ADAMTS12: variants seen among roughly 807,000 people sequenced by gnomAD.
ADAMTS12 encodes the protein ADAM metallopeptidase with thrombospondin type 1 motif 12.
Under a neutral mutation model 167.8 loss-of-function variants are expected in ADAMTS12, and 118 were observed. The ratio of observed to expected loss-of-function variants is 0.70; its 90% CI spans 0.61 to 0.82. The LOEUF (loss-of-function observed/expected upper bound fraction) is 0.82. ADAMTS12 is among the 40% of genes least tolerant of loss of function. The pLI, the probability that ADAMTS12 is intolerant of heterozygous loss-of-function variation, is 0.00. For missense variants in ADAMTS12, 1,916 were observed against 1,998.8 expected (o/e 0.96, Z 0.79); for synonymous variants, 704 against 716.9 (o/e 0.98, Z 0.29).
At chr5:33,738,403 C>T (rs2112365956) in intron 3 of ADAMTS12, among the ~76,000 whole-genome samples, 2 of 152,220 alleles carry the variant, frequency 1.3e-5, no homozygotes, top group South Asian at 4.1e-4. Flanking sequence ...TAGGCTGGAA[C>T]TGTTCTCAAG....
rs112153103 is a variant in ADAMTS12 at position 33,576,953 on chromosome 5, G to A, written c.3073C>T (p.Pro1025Ser). The A allele has an allele frequency of 2.2e-5, 35 of 1,614,212 alleles. 1 individual carries two copies. In the African/African-American group the frequency reaches 2.7e-4, roughly 12 times the overall value. The change falls in exon 19 of 24, where the codon CCT (proline) becomes TCT (serine). Residue 1025 changes from proline (P) to serine (S), a missense_variant. Pro to Ser is a moderately conservative substitution (Grantham distance 74). Coordinates refer to ENST00000504830, the MANE Select transcript of ADAMTS12 (RefSeq NM_030955.4). ...NPPTLKPVPP[P>S]TSRPRMLTTP... ...GTCAGCATTCTGGGCCTGGATGTAG[G>A]TGGAGGGACGGGCTTTAGTGTTGGT...
chr5:33,866,019 A>G (rs1749805664), intron 2 of ADAMTS12, among the ~76,000 whole-genome samples: 1 of 152,218 alleles, frequency 6.6e-6, no homozygotes, highest in African/African-American at 2.4e-5. Context: ...AATATCATGA[A>G]AGTGACCATA....
chr5:33,597,319 A>G (rs1737943132), intron 16 of ADAMTS12, among the ~76,000 whole-genome samples: 1 of 152,226 alleles, frequency 6.6e-6, no homozygotes, highest in Non-Finnish European at 1.5e-5. Context: ...GGGTAAGAAT[A>G]CTAAAGACTA....
At chr5:33,723,864 A>C (rs1269616918) in intron 3 of ADAMTS12, among the ~76,000 whole-genome samples, 1 of 152,212 alleles carries the variant, frequency 6.6e-6, no homozygotes, top group Non-Finnish European at 1.5e-5. Flanking sequence ...TTGCCATAGT[A>C]CTTTGGAGAA....
intron 2 of ADAMTS12, among the ~76,000 whole-genome samples, chr5:33,791,866 T>C (rs1044280121): frequency 2.6e-4 from 40 of 151,746 alleles, no homozygotes; most frequent in African/African-American, 9.7e-4. Context: ...CTAACTCAGA[T>C]CCTATACTCC....
intron 2 of ADAMTS12, among the ~76,000 whole-genome samples, chr5:33,794,526 T>C (rs1244924895): frequency 2.6e-5 from 4 of 152,170 alleles, no homozygotes; most frequent in African/African-American, 9.7e-5. Flanking sequence ...CCTGCTACAC[T>C]GACTTCTCTC....
At chr5:33,642,287 T>C (rs1188461888) in intron 10 of ADAMTS12, among the ~76,000 whole-genome samples, 8 of 152,218 alleles carry the variant, frequency 5.3e-5, no homozygotes. Context: ...GTCAGCTTAG[T>C]ATGCTTAGCA....
Position 33,624,140 on chromosome 5 carries a change from A to C in ADAMTS12, c.2143+91T>G. 3 of 1,559,854 alleles carry C rather than the reference A, an allele frequency of 1.9e-6. No homozygotes were observed. In the South Asian group the frequency reaches 3.6e-5, roughly 19 times the overall value. On this transcript the variant is annotated intron_variant, in intron 14 of 23. Coordinates refer to ENST00000504830, the MANE Select transcript of ADAMTS12 (RefSeq NM_030955.4). ...TTTGAAAATCACAGACTGTTTAAAG[A>C]AATAAAAACAAAAACTAGGAACCAA...
In ADAMTS12 at chr5:33,630,871, A is replaced by C; in HGVS notation, c.1931T>G (p.Phe644Cys). The C allele has an allele frequency of 6.2e-7, 1 of 1,613,706 alleles. No homozygotes were observed. The highest frequency in any genetic ancestry group is 1.7e-5 in the Admixed American group (1 of 60,004). The change falls in exon 13 of 24, where the codon TTT (phenylalanine) becomes TGT (cysteine). Residue 644 changes from phenylalanine (F) to cysteine (C), a missense_variant. Physicochemically the swap from Phe to Cys is radical, Grantham distance 205. Coordinates refer to ENST00000504830, the MANE Select transcript of ADAMTS12 (RefSeq NM_030955.4). The part of the protein sequence containing the change: ...ELYCRPIDGQ[F>C]SEKMLDAVID... ...GACAGCATCCAGCATTTTCTCAGAA[A>C]ACTGGCCATCTATGGGTCGGCAGTA...
chr5:33,625,802 A>G (rs1260408454), intron 13 of ADAMTS12, among the ~76,000 whole-genome samples: 1 of 152,162 alleles, frequency 6.6e-6, no homozygotes, highest in Non-Finnish European at 1.5e-5. Flanking sequence ...TTTTCCTGTG[A>G]GCTGCATGCA....
chr5:33,535,268 T>G (rs1429412877), intron 22 of ADAMTS12, among the ~76,000 whole-genome samples: 1 of 152,208 alleles, frequency 6.6e-6, no homozygotes, highest in African/African-American at 2.4e-5. Context: ...AATGGCCTGA[T>G]GCCTTTCGCC....
At chr5:33,809,207 T>C (rs1364175980) in intron 2 of ADAMTS12, among the ~76,000 whole-genome samples, 2 of 152,190 alleles carry the variant, frequency 1.3e-5, no homozygotes, top group Non-Finnish European at 2.9e-5. Context: ...CTGCAGACCA[T>C]GATGCAGTAG....
intron 5 of ADAMTS12, among the ~76,000 whole-genome samples, chr5:33,670,110 G>GA (rs1419023841): frequency 6.6e-6 from 1 of 150,966 alleles, no homozygotes; most frequent in Non-Finnish European, 1.5e-5. Flanking sequence ...CATATTTGAC[G>GA]AAAGACTTAT....
intron 5 of ADAMTS12, among the ~76,000 whole-genome samples, chr5:33,680,417 G>C (rs190399992): frequency 4.7e-4 from 71 of 152,246 alleles, no homozygotes; most frequent in African/African-American, 1.7e-3. Flanking sequence ...GTGCTGCTGG[G>C]ACTACAGAGG....
intron 2 of ADAMTS12, among the ~76,000 whole-genome samples, chr5:33,877,612 G>A (rs1347027684): frequency 6.6e-6 from 1 of 152,196 alleles, no homozygotes; most frequent in South Asian, 2.1e-4. Flanking sequence ...TTGTGAAAAT[G>A]TTGATGGGAG....
intron 19 of ADAMTS12, among the ~76,000 whole-genome samples, chr5:33,573,707 T>C (rs1342949374): frequency 3.9e-5 from 6 of 151,940 alleles, no homozygotes; most frequent in African/African-American, 1.5e-4. Context: ...ATGTCTAAAA[T>C]ACCAAAAGCA....
At chr5:33,802,163 C>G (rs1018234758) in intron 2 of ADAMTS12, among the ~76,000 whole-genome samples, 15 of 152,190 alleles carry the variant, frequency 9.9e-5, no homozygotes, top group Non-Finnish European at 7.3e-5. Flanking sequence ...CTTGGACTTT[C>G]CAGCCTCCAG....
At chr5:33,706,249 T>C (rs1743197206) in intron 3 of ADAMTS12, among the ~76,000 whole-genome samples, 2 of 152,140 alleles carry the variant, frequency 1.3e-5, no homozygotes, top group African/African-American at 4.8e-5. Flanking sequence ...AAGTCCTGAA[T>C]ATCCTTGTTA....
intron 3 of ADAMTS12, among the ~76,000 whole-genome samples, chr5:33,710,884 C>T (rs991863459): frequency 6.6e-5 from 10 of 152,054 alleles, no homozygotes; most frequent in Admixed American, 5.9e-4. Context: ...TTAATGAGTA[C>T]TAAAAATTTT....
Sources: gnomAD v4.1 joint callset for allele counts (sites outside exome capture counted in the v4.1 genomes callset) on GRCh38, gnomAD v4.1.1 for gene constraint, MANE v1.5 for transcripts, NCBI Gene and HGNC (gene_info 2026-07-23, HGNC 2026-07-21) for gene names.